The following NELL1 variants were observed in gnomAD, a reference collection of about 807,000 sequenced individuals.
NELL1 encodes protein kinase C-binding protein NELL1.
Under a neutral mutation model 107.4 loss-of-function variants are expected in NELL1, and 76 were observed. That is an observed-to-expected ratio of 0.71 (90% CI 0.59 to 0.86). The LOEUF (loss-of-function observed/expected upper bound fraction) is 0.86. Ranked by LOEUF, NELL1 falls within the 40% of genes least tolerant of loss-of-function variation. The pLI is 0.00. For synonymous variants in NELL1, 353 were observed against 341.2 expected (o/e 1.03, Z -0.38); for missense variants, 1,024 against 1,005.5 (o/e 1.02, Z -0.25).
At position 20,813,723 on chromosome 11, in the gene NELL1, C is replaced by T. The variant is rs139677602; in HGVS notation, c.335+29893C>T. Among the ~76,000 whole-genome samples, 271 of 152,262 alleles carry T rather than the reference C, an allele frequency of 1.8e-3. 1 individual carries two copies. The highest frequency in any genetic ancestry group is 6.4e-3 in the African/African-American group (265 of 41,556). ...TTCATTTTGTGCCTTTTTACTCCAG[C>T]ATTGTTCACAGATGAATCTTGAGCT... is the stretch of plus-strand genomic sequence containing the variant. On this transcript the variant is annotated intron_variant, in intron 3 of 19. Coordinates refer to ENST00000357134, the MANE Select transcript of NELL1 (RefSeq NM_006157.5).
chr11:21,562,320 G>A (rs1222767538), intron 17 of NELL1, among the ~76,000 whole-genome samples: 1 of 152,108 alleles, frequency 6.6e-6, no homozygotes, highest in African/African-American at 2.4e-5. Context: ...CAGGGGATGA[G>A]CAATTCTTGT....
intron 12 of NELL1, among the ~76,000 whole-genome samples, chr11:21,034,372 CT>C (rs1853035960): frequency 6.6e-6 from 1 of 152,136 alleles, no homozygotes; most frequent in African/African-American, 2.4e-5. Flanking sequence ...GTCTGTGTGT[CT>C]GTTCAGGACC....
chr11:21,278,729 A>C (rs1320124524), intron 14 of NELL1, among the ~76,000 whole-genome samples: 2 of 152,196 alleles, frequency 1.3e-5, no homozygotes, highest in Non-Finnish European at 2.9e-5. Context: ...TCAAGATTTT[A>C]TGCAATCCCA....
At chr11:20,927,950 T>TC in intron 8 of NELL1, among the ~76,000 whole-genome samples, 1 of 152,098 alleles carries the variant, frequency 6.6e-6, no homozygotes, top group East Asian at 1.9e-4. Context: ...AATTACAACA[T>TC]CCCCCTCCAA....
At chr11:20,706,140 G>A (rs2680990) in intron 2 of NELL1, among the ~76,000 whole-genome samples, 52,338 of 151,848 alleles carry the variant, frequency 0.34, 9,899 homozygotes, top group African/African-American at 0.48. Flanking sequence ...TAGAAATACC[G>A]TTTGACCCAG....
Position 21,470,726 on chromosome 11 carries a change from C to G in NELL1, c.1646-63648C>G, listed in dbSNP as rs1457647288. ...TCATCTTGATATTGCCAGCATCTAG[C>G]AGAGTAGAACCTCAGGACATATTTG... On this transcript the variant is annotated intron_variant, in intron 15 of 19. Transcript: ENST00000357134. 2.6e-5 allele frequency among the ~76,000 whole-genome samples: 4 copies of G among 152,064 alleles called. No individual in the cohort carries two copies. In the East Asian group the frequency reaches 7.7e-4, roughly 29 times the overall value.
chr11:20,976,474 T>A (rs147396311), intron 12 of NELL1, among the ~76,000 whole-genome samples: 1 of 152,148 alleles, frequency 6.6e-6, no homozygotes, highest in African/African-American at 2.4e-5. Context: ...AGGGGTAACT[T>A]AAATGTTTCA....
intron 13 of NELL1, among the ~76,000 whole-genome samples, chr11:21,201,538 G>C (rs1488820486): frequency 6.6e-6 from 1 of 152,114 alleles, no homozygotes; most frequent in Admixed American, 6.5e-5. Context: ...AGAGATGTTG[G>C]GGTTTTCTAA....
chr11:21,468,361 T>C (rs1156685822), intron 15 of NELL1, among the ~76,000 whole-genome samples: 1 of 152,114 alleles, frequency 6.6e-6, no homozygotes, highest in Non-Finnish European at 1.5e-5. Flanking sequence ...TTAGTTATAT[T>C]AATATCAGTT....
chr11:20,932,798 A>G (rs1260022113), intron 9 of NELL1, among the ~76,000 whole-genome samples: 5 of 152,198 alleles, frequency 3.3e-5, no homozygotes, highest in Non-Finnish European at 7.3e-5. Context: ...GGCTCTAACC[A>G]TTGTTCTCCA....
Position 20,972,252 on chromosome 11 carries a change from T to G in NELL1, c.1300+11692T>G, listed in dbSNP as rs529548792. Among the ~76,000 whole-genome samples, 3 of 152,296 alleles carry G rather than the reference T, an allele frequency of 2.0e-5. No homozygotes were observed. In the South Asian group the frequency reaches 6.2e-4, roughly 32 times the overall value. On this transcript the variant is annotated intron_variant, in intron 12 of 19. Transcript: ENST00000357134. The stretch of plus-strand genomic sequence containing the variant: ...AAGAACTAAGGGGAATGAAAAGATT[T>G]AAGGCAGAATCCAGCACACAATAGG...
rs111764768 is a variant in NELL1 at position 21,102,742 on chromosome 11, T to C, written c.1301-10847T>C. On this transcript the variant is annotated intron_variant, in intron 12 of 19. Coordinates refer to ENST00000357134, the MANE Select transcript of NELL1 (RefSeq NM_006157.5). ...TACTTCCCACCTTTTGCATGGTGTT[T>C]TCCGTTCCACCTTTGGGTTGTGTTT... Among the ~76,000 whole-genome samples the C allele has an allele frequency of 4.4e-3, 670 of 152,302 alleles. 2 individuals carry two copies. Among genetic ancestry groups the C allele is most frequent in the Admixed American group, 6.9e-3 (106 of 15,286 alleles).
At chr11:20,920,518 G>A (rs1438466955) in intron 7 of NELL1, among the ~76,000 whole-genome samples, 1 of 152,040 alleles carries the variant, frequency 6.6e-6, no homozygotes, top group Non-Finnish European at 1.5e-5. Flanking sequence ...TTAGCTTTTC[G>A]CTTCAGAGTA....
At chr11:21,487,619 T>C (rs1190488684) in intron 15 of NELL1, among the ~76,000 whole-genome samples, 1 of 59,876 alleles carries the variant, frequency 1.7e-5, no homozygotes, top group Non-Finnish European at 3.1e-5. Context: ...TAAAAAGAAA[T>C]GAACAAAGAA....
intron 14 of NELL1, among the ~76,000 whole-genome samples, chr11:21,280,814 A>G (rs1322133677): frequency 6.6e-6 from 1 of 152,188 alleles, no homozygotes; most frequent in Admixed American, 6.5e-5. Flanking sequence ...AGTTTAATAA[A>G]TAACAATTTA....
At chr11:20,971,711 C>T (rs543616774) in intron 12 of NELL1, among the ~76,000 whole-genome samples, 2 of 152,280 alleles carry the variant, frequency 1.3e-5, no homozygotes, top group African/African-American at 4.8e-5. Context: ...GTTTTGTGAA[C>T]TTAAGCAGGG....
chr11:20,688,984 CTT>C (rs1347497495), intron 2 of NELL1, among the ~76,000 whole-genome samples: 2 of 152,040 alleles, frequency 1.3e-5, no homozygotes, highest in Non-Finnish European at 2.9e-5. Flanking sequence ...GATGGTATCT[CTT>C]TGTGGTTTGG....
At chr11:20,705,845 A>G (rs920031068) in intron 2 of NELL1, among the ~76,000 whole-genome samples, 4 of 151,998 alleles carry the variant, frequency 2.6e-5, no homozygotes, top group Non-Finnish European at 4.4e-5. Flanking sequence ...CCCATCAAAA[A>G]GTGGGCAAAG....
At chr11:20,872,287 G>T (rs1386094639) in intron 4 of NELL1, among the ~76,000 whole-genome samples, 1 of 149,444 alleles carries the variant, frequency 6.7e-6, no homozygotes, top group South Asian at 2.1e-4. Context: ...TGATTCTCCC[G>T]CTCCCACCTC....
Sources: allele counts gnomAD v4.1 joint callset (sites outside exome capture counted in the v4.1 genomes callset), GRCh38; gene constraint gnomAD v4.1.1; transcripts MANE v1.5; gene names NCBI Gene and HGNC (gene_info 2026-07-23, HGNC 2026-07-21).